LUZP2: variants seen among roughly 807,000 people sequenced by gnomAD.
LUZP2 encodes leucine zipper protein 2.
A neutral mutation model predicts 51.6 loss-of-function variants in LUZP2; 52 were observed. The ratio of observed to expected loss-of-function variants is 1.01; its 90% CI spans 0.81 to 1.27. The LOEUF is 1.27. Ranked by LOEUF, LUZP2 falls within the 50% of genes most tolerant of loss-of-function variation. The pLI, the probability that LUZP2 is intolerant of heterozygous loss-of-function variation, is 0.00. For synonymous variants in LUZP2, 154 were observed against 137.3 expected, an observed-to-expected ratio of 1.12 and a Z score of -0.85; for missense variants, 436 against 395.4, an observed-to-expected ratio of 1.10 and a Z score of -0.87.
intron 1 of LUZP2, among the ~76,000 whole-genome samples, chr11:24,670,531 A>G (rs1590325909): frequency 6.6e-6 from 1 of 151,942 alleles, no homozygotes; most frequent in Non-Finnish European, 1.5e-5. Context: ...CATTTATATC[A>G]CCTGCCAAAT....
intron 10 of LUZP2, among the ~76,000 whole-genome samples, chr11:25,073,476 G>C (rs1859213924): frequency 6.6e-6 from 1 of 152,192 alleles, no homozygotes; most frequent in African/African-American, 2.4e-5. Context: ...GTATTATCAA[G>C]ACATTCCCTG....
At chr11:24,950,403 C>T (rs1177077104) in intron 7 of LUZP2, among the ~76,000 whole-genome samples, 1 of 151,574 alleles carries the variant, frequency 6.6e-6, no homozygotes, top group African/African-American at 2.4e-5. Flanking sequence ...GTGAATGCTT[C>T]ATAATTAGAT....
At chr11:24,796,625 G>A (rs1407142437) in intron 5 of LUZP2, among the ~76,000 whole-genome samples, 2 of 151,346 alleles carry the variant, frequency 1.3e-5, no homozygotes, top group African/African-American at 4.9e-5. Context: ...TACCAGGGCT[G>A]GCTTGTGATA....
chr11:24,591,080 G>C (rs1438378540), intron 1 of LUZP2, among the ~76,000 whole-genome samples: 1 of 152,006 alleles, frequency 6.6e-6, no homozygotes, highest in East Asian at 1.9e-4. Flanking sequence ...CTGCACTACA[G>C]TGTGGGTGAC....
chr11:24,836,532 A>G (rs1850864260), intron 5 of LUZP2, among the ~76,000 whole-genome samples: 1 of 151,908 alleles, frequency 6.6e-6, no homozygotes, highest in Non-Finnish European at 1.5e-5. Context: ...AAGGGGATAA[A>G]TCAAAATCAT....
At chr11:25,025,884 G>A (rs564700913) in intron 9 of LUZP2, among the ~76,000 whole-genome samples, 29 of 152,132 alleles carry the variant, frequency 1.9e-4, no homozygotes, top group East Asian at 3.9e-4. Context: ...CAAAGACTTC[G>A]AACCAACCCA....
At chr11:24,634,437 A>G (rs1855003778) in intron 1 of LUZP2, among the ~76,000 whole-genome samples, 1 of 152,052 alleles carries the variant, frequency 6.6e-6, no homozygotes, top group Non-Finnish European at 1.5e-5. Context: ...TAGTGGCTAA[A>G]AATTACATAT....
At chr11:25,042,177 A>C (rs951269882) in intron 9 of LUZP2, among the ~76,000 whole-genome samples, 12 of 152,158 alleles carry the variant, frequency 7.9e-5, no homozygotes, top group Non-Finnish European at 1.3e-4. Context: ...GGAAAAAATC[A>C]AGTTAAATTA....
chr11:24,749,265 G>A (rs562670676), intron 4 of LUZP2, among the ~76,000 whole-genome samples: 22 of 152,284 alleles, frequency 1.4e-4, no homozygotes, highest in Middle Eastern at 3.4e-3. Flanking sequence ...GATAAAAAAG[G>A]AGATGAGAGA....
intron 10 of LUZP2, among the ~76,000 whole-genome samples, chr11:25,073,653 C>T (rs1565312194): frequency 6.6e-6 from 1 of 152,056 alleles, no homozygotes; most frequent in Non-Finnish European, 1.5e-5. Flanking sequence ...AACGTTTTTG[C>T]AGCCCCTCTA....
At chr11:24,788,004 G>A (rs1204663714) in intron 5 of LUZP2, among the ~76,000 whole-genome samples, 6 of 151,796 alleles carry the variant, frequency 4.0e-5, no homozygotes, top group Non-Finnish European at 8.8e-5. Flanking sequence ...AAACTTTTTT[G>A]TAAAACATCA....
chr11:24,897,508 C>G (rs1020716358), intron 5 of LUZP2, among the ~76,000 whole-genome samples: 1 of 151,986 alleles, frequency 6.6e-6, no homozygotes, highest in Non-Finnish European at 1.5e-5. Flanking sequence ...ACAAACAACT[C>G]CCGAGGCGCT....
rs564841693 is a variant in LUZP2 at position 25,077,506 on chromosome 11, A to T, written c.936+100A>T. ...TTATATTATTTTTTATTTTTTATTT[A>T]TTTATTTTTTTGAGACAGAGTCTTG... On this transcript the variant is annotated intron_variant, in intron 11 of 11. Transcript: ENST00000336930. 8.0e-5 allele frequency: 35 copies of T among 438,910 alleles called. No individual in the cohort carries two copies. In the East Asian group the frequency reaches 2.8e-3, roughly 35 times the overall value. 27.2% of individuals were successfully genotyped at this position (438,910 alleles called of 1,614,324 possible). A position where few individuals can be genotyped will look rare whatever the true frequency, so the allele number is the denominator to read the frequency against.
chr11:24,834,675 C>T (rs2631484), intron 5 of LUZP2, among the ~76,000 whole-genome samples: 23,831 of 148,446 alleles, frequency 0.16, 2,078 homozygotes, highest in African/African-American at 0.22. Flanking sequence ...GCCACACTGT[C>T]TCCCACAATG....
chr11:25,036,026 G>C (rs555095688), intron 9 of LUZP2, among the ~76,000 whole-genome samples: 3 of 152,018 alleles, frequency 2.0e-5, no homozygotes, highest in Non-Finnish European at 4.4e-5. Context: ...TTTTGGAATA[G>C]TTTCAGTAAG....
At chr11:24,654,824 C>A (rs933284508) in intron 1 of LUZP2, among the ~76,000 whole-genome samples, 3 of 139,214 alleles carry the variant, frequency 2.2e-5, no homozygotes, top group African/African-American at 7.5e-5. Flanking sequence ...CGCGCCCGGC[C>A]TACTTTTTTT....
chr11:24,667,184 C>CTTTTTTTTTTTTTTT (rs199740839), intron 1 of LUZP2, among the ~76,000 whole-genome samples: 1 of 132,056 alleles, frequency 7.6e-6, no homozygotes, highest in African/African-American at 2.9e-5. Flanking sequence ...TTCTTTTTTT[C>CTTTTTTTTTTTTTTT]TTTTTTTTTT....
chr11:25,000,602 G>A (rs187883793), intron 9 of LUZP2, among the ~76,000 whole-genome samples: 23 of 152,270 alleles, frequency 1.5e-4, no homozygotes, highest in Admixed American at 7.2e-4. Context: ...TAGCTGCCAC[G>A]GTACTTAGAA....
At position 24,583,002 on chromosome 11, in the gene LUZP2, C is replaced by T. The variant is rs150124868; in HGVS notation, c.62+85697C>T. Among the ~76,000 whole-genome samples the T allele has an allele frequency of 4.7e-3, 715 of 152,174 alleles. 4 individuals are homozygous for T. The Middle Eastern group carries it at 0.051, about 11-fold the overall frequency. Reference sequence around the variant, plus strand: ...AAACGATATGCAGTCATTTCTTAGACTAGATGTTAACAAGGTGCTTTCATG... The same window carrying T: ...AAACGATATGCAGTCATTTCTTAGATTAGATGTTAACAAGGTGCTTTCATG... On this transcript the variant is annotated intron_variant, in intron 1 of 11. Coordinates refer to ENST00000336930, the MANE Select transcript of LUZP2 (RefSeq NM_001009909.4).
Sources: gnomAD v4.1 joint callset for allele counts (sites outside exome capture counted in the v4.1 genomes callset) on GRCh38, gnomAD v4.1.1 for gene constraint, MANE v1.5 for transcripts, NCBI Gene and HGNC (gene_info 2026-07-23, HGNC 2026-07-21) for gene names.